Variants in KDM3B observed in about 807,000 individuals in gnomAD.
KDM3B encodes the protein lysine-specific demethylase 3B.
KDM3B carries 10 observed loss-of-function variants against 170.0 expected under a neutral mutation model. That is an observed-to-expected ratio of 0.06 (90% CI 0.04 to 0.10). The LOEUF (loss-of-function observed/expected upper bound fraction) is 0.10. KDM3B is among the 10% of genes least tolerant of loss of function. The probability of loss-of-function intolerance (pLI) is 1.00; values close to 1 mark genes in which losing one functional copy is unlikely to be tolerated. For synonymous variants in KDM3B, 831 were observed against 834.8 expected, an observed-to-expected ratio of 1.00 and a Z score of 0.08; for missense variants, 1,394 against 2,195.2, an observed-to-expected ratio of 0.64 and a Z score of 7.29.
At chr5:138,408,703 T>C (rs4835790) in intron 11 of KDM3B, among the ~76,000 whole-genome samples, 106,408 of 151,672 alleles carry the variant, frequency 0.7, 37,831 homozygotes, top group South Asian at 0.86. Flanking sequence ...TCAAGAGATA[T>C]ATAAAAAGAA....
At chr5:138,412,413 G>A (rs535462387) in intron 11 of KDM3B, among the ~76,000 whole-genome samples, 32 of 151,742 alleles carry the variant, frequency 2.1e-4, no homozygotes, top group Non-Finnish European at 3.8e-4. Context: ...CAACAGTTAC[G>A]GAGGCCAAGG....
chr5:138,418,933 G>A lies in KDM3B; in HGVS notation c.3436-20G>A. The A allele has an allele frequency of 6.2e-7, 1 of 1,609,978 alleles. No homozygotes were observed. The highest frequency in any genetic ancestry group is 2.2e-5 in the East Asian group (1 of 44,804). ...TACCCAAGCACAGCACTCTAATTAT[G>A]TTGGCCTTCTGCATTTTAGCTTCCT... On this transcript the variant is annotated intron_variant, in intron 13 of 23. Transcript: ENST00000314358.
intron 5 of KDM3B, among the ~76,000 whole-genome samples, 176 bp downstream of exon 5, chr5:138,379,884 T>C (rs528399633): frequency 6.6e-6 from 1 of 152,326 alleles, no homozygotes; most frequent in Admixed American, 6.5e-5. Context: ...ACTGTTCTCA[T>C]CTATAAACTA....
chr5:138,419,273 T>C (rs1473410271), intron 14 of KDM3B, 41 bp downstream of exon 14: 1 of 1,573,792 alleles, frequency 6.4e-7, no homozygotes, highest in Non-Finnish European at 8.6e-7. Flanking sequence ...ATGGTAGAAA[T>C]CATGAGTTTT....
At chr5:138,431,360 C>T in intron 22 of KDM3B, 65 bp from the exon 23 acceptor site, 1 of 1,342,280 alleles carries the variant, frequency 7.5e-7, no homozygotes, top group Non-Finnish European at 1.0e-6. Context: ...ATATCATGGA[C>T]ATTTTCCATA....
At chr5:138,363,512 A>G (rs903293778) in intron 1 of KDM3B, among the ~76,000 whole-genome samples, 4 of 152,318 alleles carry the variant, frequency 2.6e-5, no homozygotes, top group Non-Finnish European at 5.9e-5. Context: ...AAAGTAATAC[A>G]TGCCTATTAT....
At chr5:138,395,496 C>T (rs1181137930) in intron 9 of KDM3B, among the ~76,000 whole-genome samples, 1 of 152,190 alleles carries the variant, frequency 6.6e-6, no homozygotes, top group Non-Finnish European at 1.5e-5. Flanking sequence ...GGGGCGGTAG[C>T]TCACGCTTGT....
chr5:138,393,514 G>C, intron 9 of KDM3B, 142 bp downstream of exon 9: 6 of 675,446 alleles, frequency 8.9e-6, no homozygotes, highest in Non-Finnish European at 1.3e-5. Flanking sequence ...CTGTGAAGAG[G>C]CTCTGGCATA....
intron 11 of KDM3B, among the ~76,000 whole-genome samples, chr5:138,407,730 G>A (rs764459566): frequency 2.1e-4 from 32 of 152,122 alleles, no homozygotes; most frequent in Non-Finnish European, 4.4e-4. Flanking sequence ...ACACATGGAC[G>A]TGCCTTTCTT....
At chr5:138,356,052 T>C (rs911182394) in intron 1 of KDM3B, among the ~76,000 whole-genome samples, 1 of 152,240 alleles carries the variant, frequency 6.6e-6, no homozygotes, top group African/African-American at 2.4e-5. Context: ...CTTACAGATT[T>C]TACTCATCGT....
At chr5:138,425,738 T>G in intron 17 of KDM3B, 156 bp downstream of exon 17, 1 of 659,230 alleles carries the variant, frequency 1.5e-6, no homozygotes, top group Non-Finnish European at 2.4e-6. Context: ...CCGGGCGTGG[T>G]TGCTCGCTCC....
At chr5:138,361,838 T>C (rs1761617272) in intron 1 of KDM3B, among the ~76,000 whole-genome samples, 1 of 152,206 alleles carries the variant, frequency 6.6e-6, no homozygotes, top group African/African-American at 2.4e-5. Flanking sequence ...TGGATACCAC[T>C]TTTTGGAATA....
chr5:138,386,964 G>C (rs898217657), intron 7 of KDM3B, among the ~76,000 whole-genome samples: 1 of 152,150 alleles, frequency 6.6e-6, no homozygotes, highest in Non-Finnish European at 1.5e-5. Flanking sequence ...TAAGAGGTGA[G>C]GTTAATGAAT....
At chr5:138,415,616 A>T (rs1190098324) in intron 12 of KDM3B, among the ~76,000 whole-genome samples, 1 of 151,060 alleles carries the variant, frequency 6.6e-6, no homozygotes, top group Non-Finnish European at 1.5e-5. Flanking sequence ...TATTTAATTT[A>T]AATTTTTTTT....
At chr5:138,387,949 C>T (rs992180434) in intron 7 of KDM3B, among the ~76,000 whole-genome samples, 2 of 151,990 alleles carry the variant, frequency 1.3e-5, no homozygotes, top group African/African-American at 4.8e-5. Flanking sequence ...GGCGTGGCGG[C>T]GTGCACCTGT....
At chr5:138,353,535 C>G (rs2126898824) in intron 1 of KDM3B, among the ~76,000 whole-genome samples, 1 of 152,308 alleles carries the variant, frequency 6.6e-6, no homozygotes, top group South Asian at 2.1e-4. Context: ...TGGGCTCGGC[C>G]TGGCGGTCTC....
intron 20 of KDM3B, among the ~76,000 whole-genome samples, chr5:138,429,209 A>T (rs1763472082): frequency 6.6e-6 from 1 of 150,790 alleles, no homozygotes; most frequent in South Asian, 2.1e-4. Context: ...GTGCCACCAT[A>T]CTCGGCTAAT....
chr5:138,425,321 C>T, intron 16 of KDM3B, 90 bp from the exon 17 acceptor site: 1 of 1,174,186 alleles, frequency 8.5e-7, no homozygotes, highest in South Asian at 1.6e-5. Flanking sequence ...AAGAGGAGGC[C>T]CTCCTCAGGA....
chr5:138,411,670 A>G (rs1283579629), intron 11 of KDM3B, among the ~76,000 whole-genome samples: 1 of 151,990 alleles, frequency 6.6e-6, no homozygotes, highest in East Asian at 1.9e-4. Flanking sequence ...ATGCAAATGA[A>G]AAATATAAAA....
Sources: allele counts gnomAD v4.1 joint callset (sites outside exome capture counted in the v4.1 genomes callset), GRCh38; gene constraint gnomAD v4.1.1; transcripts MANE v1.5; gene names NCBI Gene and HGNC (gene_info 2026-07-23, HGNC 2026-07-21).